Variants in KIRREL3 observed in about 807,000 individuals in gnomAD.
KIRREL3 encodes kirre like nephrin family adhesion molecule 3.
A neutral mutation model predicts 89.7 loss-of-function variants in KIRREL3; 36 were observed. The ratio of observed to expected loss-of-function variants is 0.40; its 90% CI spans 0.31 to 0.53. The LOEUF (loss-of-function observed/expected upper bound fraction) is 0.53. Among genes scored for constraint, KIRREL3 ranks in the 20% least tolerant of loss-of-function variants. The pLI is 0.49. For synonymous variants in KIRREL3, 445 were observed against 441.4 expected (o/e 1.01, Z -0.10); for missense variants, 864 against 1,056.6 (o/e 0.82, Z 2.53).
chr11:126,700,056 T>C (rs2135160854), intron 1 of KIRREL3, among the ~76,000 whole-genome samples: 1 of 151,980 alleles, frequency 6.6e-6, no homozygotes, highest in African/African-American at 2.4e-5. Context: ...TCATTGAGCG[T>C]GGTGGCTCAT....
Position 126,969,116 on chromosome 11 carries a change from T to C in KIRREL3, c.55+31339A>G, listed in dbSNP as rs1247155492. Among the ~76,000 whole-genome samples the C allele has an allele frequency of 6.6e-6, 1 of 152,166 alleles. No homozygotes were observed. Among genetic ancestry groups the C allele is most frequent in the African/African-American group, 2.4e-5 (1 of 41,418 alleles). On this transcript the variant is annotated intron_variant, in intron 1 of 16. Transcript: ENST00000525144. This position sits in a 1 kb window ranked among gnomAD's most constrained non-coding sequence, Gnocchi z 4.9. ...TCAGGTGCATTGCACAGTCATCTCC[T>C]GCTCAAGACAGAGGAGGGCGCTCAG...
chr11:126,805,240 T>C lies in KIRREL3; in HGVS notation c.55+195215A>G, dbSNP rs1951168160. The stretch of plus-strand genomic sequence containing the variant: ...AACAATGCAGTGATGACAAGTGTTC[T>C]AAAAACTATAGAGGACTTGTTTATG... On this transcript the variant is annotated intron_variant, in intron 1 of 16. Transcript: ENST00000525144. The surrounding 1 kb of genome is among the most constrained non-coding windows in gnomAD (Gnocchi z 4.3). Among the ~76,000 whole-genome samples the C allele has an allele frequency of 6.6e-6, 1 of 152,190 alleles. No homozygotes were observed. The highest frequency in any genetic ancestry group is 1.5e-5 in the Non-Finnish European group (1 of 68,028).
Position 126,642,871 on chromosome 11 carries a change from C to T in KIRREL3, c.56-79959G>A, listed in dbSNP as rs1312049647. ...AGTAAACATTTATCAAGCATCTCCTCTGTGTCAGGCTTGAAGTGAGAAATT... is the reference window on the plus strand; with the variant it reads ...AGTAAACATTTATCAAGCATCTCCTTTGTGTCAGGCTTGAAGTGAGAAATT... On this transcript the variant is annotated intron_variant, in intron 1 of 16. Transcript: ENST00000525144. The surrounding 1 kb of genome is among the most constrained non-coding windows in gnomAD (Gnocchi z 4.9). Among the ~76,000 whole-genome samples, 2 of 152,178 alleles carry T rather than the reference C, an allele frequency of 1.3e-5. No individual in the cohort carries two copies. The highest frequency in any genetic ancestry group is 4.8e-5 in the African/African-American group (2 of 41,444).
chr11:126,425,827 C>G, intron 15 of KIRREL3, 103 bp from the exon 16 acceptor site: 1 of 829,170 alleles, frequency 1.2e-6, no homozygotes. Context: ...CCCTGTATAA[C>G]CCCCACCACC....
rs1268597151 is a variant in KIRREL3 at position 126,520,633 on chromosome 11, G to C, written c.433+682C>G. On this transcript the variant is annotated intron_variant, in intron 4 of 16. Coordinates refer to ENST00000525144, the MANE Select transcript of KIRREL3 (RefSeq NM_032531.4). The surrounding 1 kb of genome is among the most constrained non-coding windows in gnomAD (Gnocchi z 4.9). ...ACTGAACTCTAAATCAGAACTAGGC[G>C]GTTTAAGAGGTCACCGAGCCCATTC... Among the ~76,000 whole-genome samples the C allele has an allele frequency of 6.6e-6, 1 of 152,168 alleles. No individual in the cohort carries two copies. The highest frequency in any genetic ancestry group is 2.4e-5 in the African/African-American group (1 of 41,430).
At chr11:126,532,411 T>C (rs2134461269) in intron 2 of KIRREL3, among the ~76,000 whole-genome samples, 1 of 152,218 alleles carries the variant, frequency 6.6e-6, no homozygotes, top group Non-Finnish European at 1.5e-5. Flanking sequence ...GTCTTGCTCT[T>C]GTCGCCCAGG....
intron 1 of KIRREL3, among the ~76,000 whole-genome samples, chr11:126,980,654 G>A (rs551065679): frequency 1.9e-4 from 29 of 152,288 alleles, no homozygotes; most frequent in African/African-American, 6.7e-4. Context: ...AGATTAAAAC[G>A]TGTCATGACA....
Position 126,843,221 on chromosome 11 carries a change from A to T in KIRREL3, c.55+157234T>A, listed in dbSNP as rs1358876284. ...CTGAGCAAGACAAAAACAAGAAAAA[A>T]ACACTAATGGAAAACCCACTGATGC... On this transcript the variant is annotated intron_variant, in intron 1 of 16. Transcript: ENST00000525144. This position sits in a 1 kb window ranked among gnomAD's most constrained non-coding sequence, Gnocchi z 4.6. Among the ~76,000 whole-genome samples the T allele has an allele frequency of 1.3e-5, 2 of 152,182 alleles. No homozygotes were observed. Among genetic ancestry groups the T allele is most frequent in the African/African-American group, 4.8e-5 (2 of 41,434 alleles).
chr11:126,957,311 T>C (rs976820076), intron 1 of KIRREL3, among the ~76,000 whole-genome samples: 2 of 152,200 alleles, frequency 1.3e-5, no homozygotes, highest in Admixed American at 6.5e-5. Context: ...CTAAGGAACA[T>C]TGCTAATTGA....
intron 1 of KIRREL3, among the ~76,000 whole-genome samples, chr11:126,865,653 A>C (rs1944894241): frequency 1.3e-5 from 2 of 152,186 alleles, no homozygotes; most frequent in African/African-American, 4.8e-5. Flanking sequence ...ACGTGCAGAG[A>C]TGTGACCAAT....
At chr11:126,661,047 C>G (rs149538558) in intron 1 of KIRREL3, among the ~76,000 whole-genome samples, 41 of 152,280 alleles carry the variant, frequency 2.7e-4, no homozygotes, top group Non-Finnish European at 5.0e-4. Context: ...CCAGTGTCTT[C>G]TGTCATATAA....
intron 1 of KIRREL3, among the ~76,000 whole-genome samples, chr11:126,698,550 G>A (rs1433913413): frequency 2.0e-5 from 3 of 152,184 alleles, no homozygotes; most frequent in Non-Finnish European, 4.4e-5. Flanking sequence ...CGTGCATCCC[G>A]CAGGTGGCAA....
intron 4 of KIRREL3, among the ~76,000 whole-genome samples, chr11:126,481,456 A>ACC: frequency 6.6e-6 from 1 of 152,258 alleles, no homozygotes; most frequent in East Asian, 1.9e-4. Context: ...CAGAGTCATG[A>ACC]CCCAACTGTC....
At chr11:126,675,371 G>A (rs1435149331) in intron 1 of KIRREL3, among the ~76,000 whole-genome samples, 1 of 152,104 alleles carries the variant, frequency 6.6e-6, no homozygotes, top group Non-Finnish European at 1.5e-5. Flanking sequence ...ATTAATTATG[G>A]CTCAATTCTA....
chr11:126,953,527 G>C lies in KIRREL3; in HGVS notation c.55+46928C>G, dbSNP rs1948829925. 6.6e-6 allele frequency among the ~76,000 whole-genome samples: 1 copy of C among 151,942 alleles called. No individual in the cohort carries two copies. The highest frequency in any genetic ancestry group is 2.4e-5 in the African/African-American group (1 of 41,344). ...TTTTGTTCATCTTTTCATAATAAAC[G>C]TGCTGATAGTTCCAAAGAGAAGAGC... On this transcript the variant is annotated intron_variant, in intron 1 of 16. Transcript: ENST00000525144. This position sits in a 1 kb window ranked among gnomAD's most constrained non-coding sequence, Gnocchi z 5.2.
Position 126,528,294 on chromosome 11 carries a change from G to A in KIRREL3, c.134-1607C>T, listed in dbSNP as rs7106812. Among the ~76,000 whole-genome samples the A allele has an allele frequency of 0.026, 4,003 of 152,302 alleles. 179 individuals are homozygous for A. Among genetic ancestry groups the A allele is most frequent in the African/African-American group, 0.089 (3,684 of 41,548 alleles). ...TGGACACTGGCTGCTGCCCATCTTG[G>A]GGACAAAAAGCCCCAGGCTTGGGCC... On this transcript the variant is annotated intron_variant, in intron 2 of 16. Transcript: ENST00000525144. The surrounding 1 kb of genome is among the most constrained non-coding windows in gnomAD (Gnocchi z 4.6).
chr11:126,762,170 C>CTAAATAAATAAATAAATAA (rs67128868), intron 1 of KIRREL3, among the ~76,000 whole-genome samples: 18 of 151,282 alleles, frequency 1.2e-4, no homozygotes, highest in East Asian at 3.9e-4. Flanking sequence ...GTGAGACTGT[C>CTAAATAAATAAATAAATAA]ATAAATAAAT....
chr11:126,468,256 T>G (rs1301183361), intron 5 of KIRREL3, among the ~76,000 whole-genome samples: 3 of 152,170 alleles, frequency 2.0e-5, no homozygotes, highest in Admixed American at 2.0e-4. Context: ...CGCCAGGCCC[T>G]CAGAAGTATG....
chr11:126,933,132 A>T (rs547210648), intron 1 of KIRREL3, among the ~76,000 whole-genome samples: 2 of 152,318 alleles, frequency 1.3e-5, no homozygotes, highest in African/African-American at 4.8e-5. Context: ...GTCCAAATTA[A>T]TTGGAAGGGA....
Sources: gnomAD v4.1 joint callset for allele counts (sites outside exome capture counted in the v4.1 genomes callset) on GRCh38, gnomAD v4.1.1 for gene constraint, Gnocchi (gnomAD v3.1) non-coding constraint, MANE v1.5 for transcripts, NCBI Gene and HGNC (gene_info 2026-07-23, HGNC 2026-07-21) for gene names.